RRAGB: variants seen among roughly 807,000 people sequenced by gnomAD.
RRAGB encodes Ras related GTP binding B.
Under a neutral mutation model 29.3 loss-of-function variants are expected in RRAGB, and 6 were observed. That is an observed-to-expected ratio of 0.21 (90% CI 0.11 to 0.40). The LOEUF is 0.40. Ranked by LOEUF, RRAGB falls within the 10% of genes least tolerant of loss-of-function variation. The probability of loss-of-function intolerance (pLI) is 1.00; values close to 1 mark genes in which losing one functional copy is unlikely to be tolerated. For synonymous variants in RRAGB, 101 were observed against 92.5 expected, an observed-to-expected ratio of 1.09 and a Z score of -0.53; for missense variants, 184 against 272.9, an observed-to-expected ratio of 0.67 and a Z score of 2.29.
rs1321869181 is a variant in RRAGB at position 55,729,313 on chromosome X, T to C, written c.246T>C (p.His82=). 2 of 1,196,816 alleles carry C rather than the reference T, an allele frequency of 1.7e-6. No individual in the cohort carries two copies. The highest frequency in any genetic ancestry group is 3.5e-5 in the African/African-American group (2 of 56,766). Reference sequence around the variant, plus strand: ...TTCCAGTTGATGTAGAACATTCTCATGTTCGATTTCTGGGAAACCTGGTAT... The same window carrying C: ...TTCCAGTTGATGTAGAACATTCTCACGTTCGATTTCTGGGAAACCTGGTAT... ...LGATIDVEHS[H]VRFLGNLVLN... The change falls in exon 4 of 10, where the codon CAT becomes CAC. Residue 82 remains histidine (H), a synonymous_variant. Transcript: ENST00000374941.
intron 3 of RRAGB, among the ~76,000 whole-genome samples, chrX:55,728,589 T>A (rs938219184): frequency 9.0e-6 from 1 of 111,311 alleles, no homozygotes; most frequent in Admixed American, 9.5e-5. Flanking sequence ...ATTGAAAGTG[T>A]TTTGAATGGG....
chrX:55,752,134 G>A, intron 6 of RRAGB: 1 of 445,669 alleles, frequency 2.2e-6, no homozygotes, highest in Non-Finnish European at 2.8e-6. Flanking sequence ...CCAATATTAT[G>A]TTGACCCAGC....
At chrX:55,749,558 G>T (rs1403517307) in intron 5 of RRAGB, among the ~76,000 whole-genome samples, 1 of 111,603 alleles carries the variant, frequency 9.0e-6, no homozygotes, top group African/African-American at 3.2e-5. Context: ...TTGAGAACGG[G>T]CCATGATGAC....
chrX:55,724,742 T>C (rs1010341700), intron 3 of RRAGB, among the ~76,000 whole-genome samples: 17 of 112,267 alleles, frequency 1.5e-4, no homozygotes, highest in Non-Finnish European at 3.2e-4. Context: ...GTCAGACTTT[T>C]GTTTACTGTT....
At chrX:55,743,093 G>C (rs1254463838) in intron 5 of RRAGB, among the ~76,000 whole-genome samples, 1 of 112,007 alleles carries the variant, frequency 8.9e-6, no homozygotes, top group Non-Finnish European at 1.9e-5. Flanking sequence ...GCTGCTTTAG[G>C]ATGGTGGGGA....
At chrX:55,753,016 C>G (rs999990731) in intron 6 of RRAGB, among the ~76,000 whole-genome samples, 3 of 111,973 alleles carry the variant, frequency 2.7e-5, no homozygotes, top group Non-Finnish European at 5.6e-5. Context: ...TTAGAGAAAT[C>G]TACACTGTTG....
Position 55,718,498 on chromosome X carries a change from C to T in RRAGB, c.92+79C>T, listed in dbSNP as rs963309460. 18 of 569,436 alleles carry T rather than the reference C, an allele frequency of 3.2e-5. No homozygotes were observed. The African/African-American group carries it at 4.2e-4, about 13-fold the overall frequency. The allele number at this position is 569,436 out of a possible 1,213,427, so 46.9% of individuals were successfully genotyped here. ...AGTATTGTGAATTAGAACACTTCTC[C>T]CCACCCCGCACCATGATAAATTGCT... On this transcript the variant is annotated intron_variant, in intron 1 of 9. Coordinates refer to ENST00000374941, the MANE Select transcript of RRAGB (RefSeq NM_006064.5).
At chrX:55,744,269 G>A (rs781137247) in intron 5 of RRAGB, among the ~76,000 whole-genome samples, 16 of 106,793 alleles carry the variant, frequency 1.5e-4, no homozygotes, top group South Asian at 4.4e-4. Context: ...TGTGCCATGC[G>A]CCTGTAGTCC....
intron 2 of RRAGB, among the ~76,000 whole-genome samples, chrX:55,720,499 A>G (rs900126722): frequency 3.6e-5 from 4 of 111,587 alleles, no homozygotes; most frequent in South Asian, 3.8e-4. Flanking sequence ...AGAAATTTGT[A>G]TAAAATATCT....
rs1472055917 is a variant in RRAGB, at chrX:55,752,132, A to G, written c.612+936A>G. 1.1e-5 allele frequency: 5 copies of G among 471,448 alleles called. No homozygotes were observed. In the Admixed American group the frequency reaches 4.8e-4, roughly 46 times the overall value. 38.9% of individuals were successfully genotyped at this position (471,448 alleles called of 1,213,427 possible). A position where few individuals can be genotyped will look rare whatever the true frequency, so the allele number is the denominator to read the frequency against. On this transcript the variant is annotated intron_variant, in intron 6 of 9. Transcript: ENST00000374941. ...TAACTAATTCATTTTCCCCAATATT[A>G]TGTTGACCCAGCCTCACTCTAATAA...
chrX:55,758,059 T>G (rs897709965), intron 9 of RRAGB, among the ~76,000 whole-genome samples, 187 bp from the exon 10 acceptor site: 2 of 112,352 alleles, frequency 1.8e-5, no homozygotes, highest in East Asian at 5.5e-4. Flanking sequence ...AATTTTGTGT[T>G]TAGAATATGA....
intron 2 of RRAGB, among the ~76,000 whole-genome samples, chrX:55,719,829 T>A (rs1008541491): frequency 8.9e-6 from 1 of 112,516 alleles, no homozygotes; most frequent in African/African-American, 3.2e-5. Flanking sequence ...CACCTTCCTT[T>A]GTGCTCTCAT....
At chrX:55,727,127 AG>A (rs2033507229) in intron 3 of RRAGB, among the ~76,000 whole-genome samples, 1 of 111,660 alleles carries the variant, frequency 9.0e-6, no homozygotes, top group African/African-American at 3.3e-5. Context: ...AGGACTAAAA[AG>A]TCCACTGGAT....
At chrX:55,734,174 A>G (rs1256846763) in intron 5 of RRAGB, among the ~76,000 whole-genome samples, 18 of 109,386 alleles carry the variant, frequency 1.6e-4, no homozygotes, top group African/African-American at 3.3e-5. Context: ...CATGTTAGCC[A>G]GGATGGTCTC....
intron 5 of RRAGB, among the ~76,000 whole-genome samples, chrX:55,743,648 A>G (rs757183421): frequency 8.9e-6 from 1 of 112,571 alleles, no homozygotes; most frequent in South Asian, 3.7e-4. Flanking sequence ...CATTCATATG[A>G]GACACAAATA....
intron 5 of RRAGB, among the ~76,000 whole-genome samples, chrX:55,745,015 C>A (rs2034201306): frequency 9.0e-6 from 1 of 111,710 alleles, no homozygotes; most frequent in South Asian, 3.8e-4. Flanking sequence ...AACAACTTAT[C>A]CTTCACCTTA....
chrX:55,732,214 T>C (rs1483178896), intron 5 of RRAGB, among the ~76,000 whole-genome samples: 1 of 111,373 alleles, frequency 9.0e-6, no homozygotes, highest in Non-Finnish European at 1.9e-5. Flanking sequence ...CTGAGAAGGC[T>C]CCGAGGCCCA....
At chrX:55,747,834 C>A (rs2034297810) in intron 5 of RRAGB, among the ~76,000 whole-genome samples, 1 of 103,481 alleles carries the variant, frequency 9.7e-6, no homozygotes, top group Non-Finnish European at 2.0e-5. Flanking sequence ...TCTCCCTCTC[C>A]CTCTCCCTCT....
intron 3 of RRAGB, among the ~76,000 whole-genome samples, chrX:55,722,872 G>C (rs2033334686): frequency 9.0e-6 from 1 of 111,231 alleles, no homozygotes; most frequent in Non-Finnish European, 1.9e-5. Context: ...GTGAATGTAG[G>C]ATCCTGGGAG....
Sources: gnomAD v4.1 joint callset for allele counts (sites outside exome capture counted in the v4.1 genomes callset) on GRCh38, gnomAD v4.1.1 for gene constraint, MANE v1.5 for transcripts, NCBI Gene and HGNC (gene_info 2026-07-23, HGNC 2026-07-21) for gene names.